The following BRIP1 variants were observed in gnomAD, a reference collection of about 807,000 sequenced individuals.
The protein encoded by BRIP1 is Fanconi anemia group J protein.
In BRIP1, 88 loss-of-function variants were observed where a neutral mutation model predicts 119.7. The observed-to-expected ratio is 0.74, with a 90% CI of 0.62 to 0.88. The LOEUF (loss-of-function observed/expected upper bound fraction) is 0.88, where lower values mean the gene tolerates loss of function less well. Ranked by LOEUF, BRIP1 falls within the 40% of genes least tolerant of loss-of-function variation. BRIP1 has a pLI of 0.00. For missense variants in BRIP1, 1,259 were observed against 1,455.4 expected (o/e 0.87, Z 2.20); for synonymous variants, 443 against 496.5 (o/e 0.89, Z 1.43).
chr17:61,780,353 C>T lies in BRIP1; in HGVS notation c.1843G>A (p.Gly615Ser), dbSNP rs1555602203. ...AAGGATTTCATTGGTGATAATGTAC[C>T]AGATGTCAAAACAATGGTCTGAACT... ...GKVQTIVLTS[G>S]TLSPMKSFSS... The change falls in exon 13 of 20, where the codon GGT becomes AGT. Residue 615 changes from glycine to serine, a missense_variant. By Grantham distance (56) the Gly-to-Ser change is moderately conservative. Around this residue, in one of 3 missense-constraint regions of BRIP1, gnomAD observed 753 missense variants for 891.8 expected, o/e 0.84. Transcript: ENST00000259008. The surrounding 1 kb of genome is among the most constrained non-coding windows in gnomAD (Gnocchi z 5.4). The T allele has an allele frequency of 6.2e-7, 1 of 1,610,636 alleles. No individual in the cohort carries two copies. The highest frequency in any genetic ancestry group is 1.1e-5 in the South Asian group (1 of 90,960).
rs1451002689 is a variant in BRIP1 at position 61,845,985 on chromosome 17, A to G, written c.627+1116T>C. Reference sequence around the variant, plus strand: ...ATCACGAGGTCAGAAGATCGAGACCATCCTGGCTAACGTGGTGAAACCCCG... The same window carrying G: ...ATCACGAGGTCAGAAGATCGAGACCGTCCTGGCTAACGTGGTGAAACCCCG... On this transcript the variant is annotated intron_variant, in intron 6 of 19. Coordinates refer to ENST00000259008, the MANE Select transcript of BRIP1 (RefSeq NM_032043.3). This position sits in a 1 kb window ranked among gnomAD's most constrained non-coding sequence, Gnocchi z 4.2. Among the ~76,000 whole-genome samples, 1 of 152,028 alleles carries G rather than the reference A, an allele frequency of 6.6e-6. No individual in the cohort carries two copies. Among genetic ancestry groups the G allele is most frequent in the African/African-American group, 2.4e-5 (1 of 41,408 alleles).
rs968312983 is a variant in BRIP1 at position 61,810,958 on chromosome 17, A to G, written c.628-2201T>C. On this transcript the variant is annotated intron_variant, in intron 6 of 19. Coordinates refer to ENST00000259008, the MANE Select transcript of BRIP1 (RefSeq NM_032043.3). This position sits in a 1 kb window ranked among gnomAD's most constrained non-coding sequence, Gnocchi z 4.7. ...GCACAAATAATTTAATGTTCTACTT[A>G]TCTTTAAATGTTACACTAGTAGTGG... is the stretch of plus-strand genomic sequence containing the variant. Among the ~76,000 whole-genome samples the G allele has an allele frequency of 9.2e-5, 14 of 152,208 alleles. No homozygotes were observed. The highest frequency in any genetic ancestry group is 1.8e-4 in the Non-Finnish European group (12 of 68,012).
In BRIP1 at chr17:61,722,740, TATTAG is replaced by T. The variant is rs915024707; in HGVS notation, c.2380-6682_2380-6678del. Reference sequence around the variant, plus strand: ...GAATATTTAGAGTGAATGTAGCAACTATTAGATTAAATAAAATTATGACTCCTTGG... The same window carrying T: ...GAATATTTAGAGTGAATGTAGCAACTATTAAATAAAATTATGACTCCTTGG... On this transcript the variant is annotated intron_variant, in intron 16 of 19. Transcript: ENST00000259008. This position sits in a 1 kb window ranked among gnomAD's most constrained non-coding sequence, Gnocchi z 4.6. 2.6e-5 allele frequency among the ~76,000 whole-genome samples: 4 copies of T among 152,228 alleles called. No individual in the cohort carries two copies. Among genetic ancestry groups the T allele is most frequent in the Admixed American group, 6.5e-5 (1 of 15,284 alleles).
intron 6 of BRIP1, among the ~76,000 whole-genome samples, chr17:61,821,654 C>T (rs1185669089): frequency 6.6e-6 from 1 of 151,988 alleles, no homozygotes; most frequent in Admixed American, 6.6e-5. Flanking sequence ...CTCAGCTTCC[C>T]GAGTAGCTGG....
chr17:61,682,600 G>C lies in BRIP1; in HGVS notation c.*696C>G, dbSNP rs2061284559. The C allele has an allele frequency of 1.0e-5, 2 of 196,578 alleles. No homozygotes were observed. The highest frequency in any genetic ancestry group is 3.8e-4 in the South Asian group (2 of 5,198). 12.2% of individuals were successfully genotyped at this position (196,578 alleles called of 1,614,324 possible). ...CCTTTCAAGACAAATGGTGATCTCT[G>C]AAAAAGTCTTGGACTGATTTGAGGT... On this transcript the variant is annotated 3_prime_UTR_variant, in exon 20 of 20. Coordinates refer to ENST00000259008, the MANE Select transcript of BRIP1 (RefSeq NM_032043.3). This position sits in a 1 kb window ranked among gnomAD's most constrained non-coding sequence, Gnocchi z 4.9.
chr17:61,784,794 C>T (rs916371740), intron 10 of BRIP1, among the ~76,000 whole-genome samples: 12 of 152,142 alleles, frequency 7.9e-5, no homozygotes, highest in African/African-American at 2.9e-4. Flanking sequence ...TCTGTACAAA[C>T]CAGCTCCCCT....
chr17:61,787,384 T>C (rs1290114514), intron 10 of BRIP1, among the ~76,000 whole-genome samples: 1 of 133,296 alleles, frequency 7.5e-6, no homozygotes, highest in East Asian at 2.1e-4. Context: ...TTATATACTA[T>C]ATATAGTATA....
At chr17:61,723,793 T>C (rs936886732) in intron 16 of BRIP1, among the ~76,000 whole-genome samples, 1 of 152,146 alleles carries the variant, frequency 6.6e-6, no homozygotes, top group Non-Finnish European at 1.5e-5. Flanking sequence ...TTTGGAGGGG[T>C]GTGAAGAGCA....
Position 61,776,366 on chromosome 17 carries a change from T to C in BRIP1, c.2097+35A>G. The C allele has an allele frequency of 1.2e-6, 2 of 1,611,838 alleles. No individual in the cohort carries two copies. The highest frequency in any genetic ancestry group is 1.7e-6 in the Non-Finnish European group (2 of 1,177,956). ...CCAATGTTTAAAATGTAAATGATTA[T>C]TTAAAGGCAAAAGAAACAATAAATA... On this transcript the variant is annotated intron_variant, in intron 14 of 19. Transcript: ENST00000259008. This position sits in a 1 kb window ranked among gnomAD's most constrained non-coding sequence, Gnocchi z 5.0.
At chr17:61,833,700 G>T (rs2078528331) in intron 6 of BRIP1, among the ~76,000 whole-genome samples, 1 of 149,532 alleles carries the variant, frequency 6.7e-6, no homozygotes, top group South Asian at 2.1e-4. Context: ...ATAATTATTG[G>T]AGCTGAAGGA....
At position 61,853,386 on chromosome 17, in the gene BRIP1, TC is replaced by T. The variant is rs60283314; in HGVS notation, c.379+3671del. Among the ~76,000 whole-genome samples, 26,536 of 148,902 alleles carry T rather than the reference TC, an allele frequency of 0.18. 2,566 individuals are homozygous for T. Among genetic ancestry groups the T allele is most frequent in the East Asian group, 0.57 (2,703 of 4,782 alleles). On this transcript the variant is annotated intron_variant, in intron 4 of 19. Transcript: ENST00000259008. The surrounding 1 kb of genome is among the most constrained non-coding windows in gnomAD (Gnocchi z 4.3). ...CTCTGGGGTGTTGGTAATGTCTCTC[TC>T]TTTTTTTTTTAATCTATGTAGTAGT... is the stretch of plus-strand genomic sequence containing the variant.
chr17:61,731,408 A>G (rs990705893), intron 16 of BRIP1, among the ~76,000 whole-genome samples: 5 of 152,212 alleles, frequency 3.3e-5, no homozygotes, highest in Admixed American at 6.5e-5. Context: ...CTCAGGCTGT[A>G]TTCCTGGATC....
chr17:61,779,717 A>G (rs1237234339), intron 13 of BRIP1, among the ~76,000 whole-genome samples: 4 of 152,204 alleles, frequency 2.6e-5, no homozygotes, highest in Non-Finnish European at 4.4e-5. Context: ...ACACTTTGGG[A>G]GGCTGAGGCA....
In BRIP1 at chr17:61,713,434, A is replaced by C. The variant is rs1567753691; in HGVS notation, c.2492+2517T>G. On this transcript the variant is annotated intron_variant, in intron 17 of 19. Transcript: ENST00000259008. The surrounding 1 kb of genome is among the most constrained non-coding windows in gnomAD (Gnocchi z 4.9). ...TATTTATTGGTCCTGAAGACCTTCC[A>C]GTGATTCAAGACATGGAGGTAGAAG... Among the ~76,000 whole-genome samples the C allele has an allele frequency of 6.6e-6, 1 of 152,134 alleles. No homozygotes were observed. Among genetic ancestry groups the C allele is most frequent in the African/African-American group, 2.4e-5 (1 of 41,424 alleles).
At chr17:61,839,680 T>C (rs534472061) in intron 6 of BRIP1, among the ~76,000 whole-genome samples, 1 of 152,268 alleles carries the variant, frequency 6.6e-6, no homozygotes, top group South Asian at 2.1e-4. Context: ...GTTCAAGAAG[T>C]TTTCAGACTT....
At position 61,847,166 on chromosome 17, in the gene BRIP1, C is replaced by A; in HGVS notation, c.562G>T (p.Asp188Tyr). The A allele has an allele frequency of 6.2e-7, 1 of 1,613,584 alleles. No individual in the cohort carries two copies. Among genetic ancestry groups the A allele is most frequent in the Non-Finnish European group, 8.5e-7 (1 of 1,179,578 alleles). Residue 188 changes from aspartate (D) to tyrosine (Y), a missense_variant, in exon 6 of 20, where the codon GAT becomes TAT. This residue lies in a region of BRIP1 where 501 missense variants were observed against 544.0 expected (regional missense o/e 0.92). Coordinates refer to ENST00000259008, the MANE Select transcript of BRIP1 (RefSeq NM_032043.3). Reference sequence around the variant, plus strand: ...TTGAGTTTTACAGTCTTTCCTGAATCAACTTTTGCATCCAAATTGTGTACT... The same window carrying A: ...TTGAGTTTTACAGTCTTTCCTGAATAAACTTTTGCATCCAAATTGTGTACT... ...TEVHNLDAKV[D>Y]SGKTVKLNSP...
intron 13 of BRIP1, among the ~76,000 whole-genome samples, chr17:61,777,166 A>G (rs978098102): frequency 1.3e-5 from 2 of 152,350 alleles, no homozygotes; most frequent in Non-Finnish European, 2.9e-5. Context: ...GATATTCACA[A>G]TATTAATATT....
chr17:61,791,927 C>T (rs1358595538), intron 10 of BRIP1, among the ~76,000 whole-genome samples: 2 of 152,090 alleles, frequency 1.3e-5, no homozygotes, highest in Admixed American at 1.3e-4. Flanking sequence ...GATAGAAAGA[C>T]AAATACTGCA....
rs1329886614 is a variant in BRIP1 at position 61,793,766 on chromosome 17, A to T, written c.1341-37T>A. 1 of 1,592,150 alleles carries T rather than the reference A, an allele frequency of 6.3e-7. No homozygotes were observed. Among genetic ancestry groups the T allele is most frequent in the Admixed American group, 1.7e-5 (1 of 59,162 alleles). On this transcript the variant is annotated intron_variant, in intron 9 of 19. Transcript: ENST00000259008. This position sits in a 1 kb window ranked among gnomAD's most constrained non-coding sequence, Gnocchi z 5.2. ...TAAAACAATTGTGTCAACCAGTATCATCCTTACACACACTATTTCAGCAGA... is the reference window on the plus strand; with the variant it reads ...TAAAACAATTGTGTCAACCAGTATCTTCCTTACACACACTATTTCAGCAGA...
Sources: gnomAD v4.1 joint callset for allele counts (sites outside exome capture counted in the v4.1 genomes callset) on GRCh38, gnomAD v4.1.1 for gene constraint, gnomAD v4.1.1 regional missense constraint, Gnocchi (gnomAD v3.1) non-coding constraint, MANE v1.5 for transcripts, NCBI Gene and HGNC (gene_info 2026-07-23, HGNC 2026-07-21) for gene names.